The following HERC1 variants were observed in gnomAD, a reference collection of about 807,000 sequenced individuals.
HERC1 encodes HECT and RLD domain containing E3 ubiquitin protein ligase family member 1, also known as probable E3 ubiquitin-protein ligase HERC1.
Under a neutral mutation model 554.3 loss-of-function variants are expected in HERC1, and 160 were observed. That is an observed-to-expected ratio of 0.29 (90% confidence interval 0.25 to 0.33). HERC1 has a LOEUF of 0.33. Ranked by LOEUF, HERC1 falls within the 10% of genes least tolerant of loss-of-function variation. The pLI is 1.00. For missense variants in HERC1, 4,919 were observed against 5,918.5 expected, an observed-to-expected ratio of 0.83 and a Z score of 5.54; for synonymous variants, 2,175 against 2,131.7, an observed-to-expected ratio of 1.02 and a Z score of -0.56.
intron 2 of HERC1, among the ~76,000 whole-genome samples, chr15:63,769,598 A>C (rs1205178338): frequency 1.3e-5 from 2 of 152,176 alleles, no homozygotes; most frequent in Non-Finnish European, 1.5e-5. Context: ...TCACGCCTGT[A>C]ATCTCAGCAC....
At chr15:63,638,576 T>C in intron 62 of HERC1, 40 bp from the exon 63 acceptor site, 1 of 1,613,486 alleles carries the variant, frequency 6.2e-7, no homozygotes, top group Non-Finnish European at 8.5e-7. Context: ...AGTCATCCAT[T>C]CACTCAAACA....
Position 63,729,666 on chromosome 15 carries a change from A to T in HERC1, c.2869-17T>A. On this transcript the variant is annotated splice_polypyrimidine_tract_variant and intron_variant, in intron 14 of 77. Transcript: ENST00000443617. ...TGCTTGATCCTAAAATGACACACAA[A>T]GGAAGTTTATATTTGAAGTGCTTGA... 1 of 1,612,488 alleles carries T rather than the reference A, an allele frequency of 6.2e-7. No individual in the cohort carries two copies. The highest frequency in any genetic ancestry group is 1.1e-5 in the South Asian group (1 of 91,002).
In HERC1 at chr15:63,678,086, C is replaced by T; in HGVS notation, c.6829G>A (p.Glu2277Lys). Residue 2277 changes from glutamate (E) to lysine (K), a missense_variant, in exon 37 of 78, where the codon GAG becomes AAG. By Grantham distance (56) the Glu-to-Lys change is moderately conservative. Around this residue, in one of 11 missense-constraint regions of HERC1, gnomAD observed 1,963 missense variants for 2,228.6 expected, o/e 0.88. Coordinates refer to ENST00000443617, the MANE Select transcript of HERC1 (RefSeq NM_003922.4). ...CTAGTATGTTTACCTTTCTCTTCCT[C>T]TTTGCTCTCCTTCTCCTCTCTCATT... ...NEMREEKESK[E>K]EEKGKHTRHG... 1 of 1,614,042 alleles carries T rather than the reference C, an allele frequency of 6.2e-7. No homozygotes were observed. Among genetic ancestry groups the T allele is most frequent in the Non-Finnish European group, 8.5e-7 (1 of 1,179,892 alleles).
At chr15:63,691,639 A>C (rs1313886132) in intron 31 of HERC1, among the ~76,000 whole-genome samples, 1 of 152,144 alleles carries the variant, frequency 6.6e-6, no homozygotes, top group East Asian at 1.9e-4. Flanking sequence ...TACCTTATTA[A>C]AGGAAAAAAA....
At chr15:63,740,984 C>T in intron 12 of HERC1, among the ~76,000 whole-genome samples, 1 of 151,626 alleles carries the variant, frequency 6.6e-6, no homozygotes, top group East Asian at 1.9e-4. Flanking sequence ...AGCTAAGAAA[C>T]CATTGCCTAA....
chr15:63,783,850 G>A (rs1165092285), intron 1 of HERC1, among the ~76,000 whole-genome samples: 4 of 152,030 alleles, frequency 2.6e-5, no homozygotes, highest in East Asian at 1.9e-4. Flanking sequence ...GGCAGATCTC[G>A]AGGTCAGGAG....
At chr15:63,624,787 T>G (rs922867182) in intron 71 of HERC1, among the ~76,000 whole-genome samples, 1 of 152,222 alleles carries the variant, frequency 6.6e-6, no homozygotes, top group Non-Finnish European at 1.5e-5. Flanking sequence ...TTAGTAACCT[T>G]TAAATTTTTC....
intron 74 of HERC1, among the ~76,000 whole-genome samples, chr15:63,618,673 T>C (rs1438607833): frequency 6.6e-6 from 1 of 152,236 alleles, no homozygotes; most frequent in East Asian, 1.9e-4. Flanking sequence ...TCCTGTTTTA[T>C]TTCCTTGAGC....
At chr15:63,794,497 T>C (rs1398060998) in intron 1 of HERC1, among the ~76,000 whole-genome samples, 1 of 152,132 alleles carries the variant, frequency 6.6e-6, no homozygotes, top group Non-Finnish European at 1.5e-5. Flanking sequence ...CCTCTAATCA[T>C]GGCTCAGTCT....
chr15:63,809,508 T>C (rs1401417333), intron 1 of HERC1, among the ~76,000 whole-genome samples: 1 of 151,852 alleles, frequency 6.6e-6, no homozygotes, highest in Non-Finnish European at 1.5e-5. Context: ...AGGCTACACA[T>C]CAGGAGCTGT....
At chr15:63,630,945 G>A (rs1172931456) in intron 68 of HERC1, among the ~76,000 whole-genome samples, 1 of 152,152 alleles carries the variant, frequency 6.6e-6, no homozygotes, top group South Asian at 2.1e-4. Context: ...AAAGGATAGG[G>A]TCTGACTGAC....
intron 76 of HERC1, among the ~76,000 whole-genome samples, chr15:63,613,275 G>A (rs1209181583): frequency 6.6e-6 from 1 of 152,176 alleles, no homozygotes; most frequent in South Asian, 2.1e-4. Context: ...GTGTGACTGG[G>A]TAATTCTACC....
Position 63,663,130 on chromosome 15 carries a change from C to T in HERC1, c.8755G>A (p.Gly2919Arg). ...REGISLQQDP[G>R]ALYDFNLDEE... ...TCTAAATTAAAGTCATACAACGCCC[C>T]TGGGTCTTGCTGCAAAGATATTCCT... The change falls in exon 44 of 78, where the codon GGG becomes AGG. Residue 2919 changes from glycine (G) to arginine (R), a missense_variant. Transcript: ENST00000443617. The T allele has an allele frequency of 6.2e-7, 1 of 1,614,022 alleles. No individual in the cohort carries two copies. The highest frequency in any genetic ancestry group is 8.5e-7 in the Non-Finnish European group (1 of 1,179,888).
chr15:63,828,173 C>G (rs2078006698), intron 1 of HERC1, among the ~76,000 whole-genome samples: 1 of 152,088 alleles, frequency 6.6e-6, no homozygotes, highest in Admixed American at 6.5e-5. Flanking sequence ...TATAAGAGAA[C>G]ACCCACATAT....
At chr15:63,624,112 T>C in intron 72 of HERC1, 46 bp downstream of exon 72, 1 of 1,514,796 alleles carries the variant, frequency 6.6e-7, no homozygotes, top group Non-Finnish European at 9.0e-7. Context: ...AACATCCATC[T>C]GAAAAAATCA....
intron 7 of HERC1, 89 bp from the exon 8 acceptor site, chr15:63,753,174 GT>G: frequency 1.1e-6 from 1 of 907,130 alleles, no homozygotes. Context: ...GAGCTCTAAT[GT>G]TTCCATCACT....
intron 19 of HERC1, among the ~76,000 whole-genome samples, chr15:63,722,437 A>G (rs2073860544): frequency 2.0e-5 from 3 of 152,244 alleles, no homozygotes; most frequent in Admixed American, 2.0e-4. Context: ...CATAGCACGG[A>G]ATATAACAGT....
chr15:63,788,357 C>T (rs557242597), intron 1 of HERC1, among the ~76,000 whole-genome samples: 3 of 152,070 alleles, frequency 2.0e-5, no homozygotes, highest in East Asian at 1.9e-4. Flanking sequence ...GGGATACTAC[C>T]GAAATAAATC....
At chr15:63,698,088 G>A (rs536636877) in intron 26 of HERC1, among the ~76,000 whole-genome samples, 49 of 152,188 alleles carry the variant, frequency 3.2e-4, no homozygotes, top group African/African-American at 1.2e-3. Context: ...CCTGAAGCAG[G>A]TGTCTAATTT....
Sources: gnomAD v4.1 joint callset for allele counts (sites outside exome capture counted in the v4.1 genomes callset) on GRCh38, gnomAD v4.1.1 for gene constraint, gnomAD v4.1.1 regional missense constraint, MANE v1.5 for transcripts, NCBI Gene and HGNC (gene_info 2026-07-23, HGNC 2026-07-21) for gene names.